Variants in MECOM observed in about 807,000 individuals in gnomAD.
MECOM encodes the protein histone-lysine N-methyltransferase MECOM.
In MECOM, 13 loss-of-function variants were observed where a neutral mutation model predicts 116.3. That is an observed-to-expected ratio of 0.11 (90% CI 0.07 to 0.18). The LOEUF is 0.18. Ranked by LOEUF, MECOM falls within the 10% of genes least tolerant of loss-of-function variation. MECOM has a pLI of 1.00. For missense variants in MECOM, 1,299 were observed against 1,509.0 expected (o/e 0.86, Z 2.31); for synonymous variants, 528 against 535.2 (o/e 0.99, Z 0.19).
At chr3:169,555,313 C>T (rs1358191779) in intron 1 of MECOM, among the ~76,000 whole-genome samples, 1 of 152,072 alleles carries the variant, frequency 6.6e-6, no homozygotes, top group African/African-American at 2.4e-5. Flanking sequence ...TCTTTTCCCT[C>T]GGGGATTTCA....
intron 1 of MECOM, among the ~76,000 whole-genome samples, chr3:169,661,165 C>T (rs774001758): frequency 3.3e-5 from 5 of 152,138 alleles, no homozygotes; most frequent in Non-Finnish European, 5.9e-5. Flanking sequence ...CAAGAAAATT[C>T]GAAGGGTTTT....
rs1213191479 is a variant in MECOM at position 169,382,875 on chromosome 3, A to T, written c.38-1351T>A. On this transcript the variant is annotated intron_variant, in intron 1 of 16. Coordinates refer to ENST00000651503, the MANE Select transcript of MECOM (RefSeq NM_004991.4). ...AAAAAAAAAAAAAAATAAAAAAAAT[A>T]AAAAAAGAAGGTAAAATGGGTTGCC... Among the ~76,000 whole-genome samples, 11 of 85,318 alleles carry T rather than the reference A, an allele frequency of 1.3e-4. 1 individual carries two copies. The highest frequency in any genetic ancestry group is 6.0e-4 in the Admixed American group (4 of 6,670). The allele number at this position is 85,318 out of a possible 152,430, so 56.0% of individuals were successfully genotyped here. A position where few individuals can be genotyped will look rare whatever the true frequency, so the allele number is the denominator to read the frequency against.
At chr3:169,231,220 G>A (rs1753353374) in intron 2 of MECOM, among the ~76,000 whole-genome samples, 1 of 152,082 alleles carries the variant, frequency 6.6e-6, no homozygotes, top group Non-Finnish European at 1.5e-5. Flanking sequence ...CATGCATAAA[G>A]TAAACATGTT....
At chr3:169,454,326 T>C (rs1163878812) in intron 1 of MECOM, among the ~76,000 whole-genome samples, 6 of 151,730 alleles carry the variant, frequency 4.0e-5, no homozygotes, top group Non-Finnish European at 8.8e-5. Context: ...GAGGATTTTT[T>C]TCTTTTCCTC....
chr3:169,213,008 A>C (rs1455137024), intron 2 of MECOM, among the ~76,000 whole-genome samples: 2 of 151,618 alleles, frequency 1.3e-5, no homozygotes, highest in African/African-American at 4.8e-5. Context: ...TTACTGTTTC[A>C]TGTCTGTCAA....
chr3:169,346,701 T>C (rs1725415012), intron 2 of MECOM, among the ~76,000 whole-genome samples: 1 of 151,848 alleles, frequency 6.6e-6, no homozygotes, highest in South Asian at 2.1e-4. Flanking sequence ...TCACTCTTAC[T>C]ATAAAAAAAA....
At chr3:169,491,831 T>C (rs1216297501) in intron 1 of MECOM, among the ~76,000 whole-genome samples, 1 of 152,220 alleles carries the variant, frequency 6.6e-6, no homozygotes, top group East Asian at 1.9e-4. Context: ...CAAGACTAAA[T>C]GTACAAAATG....
intron 1 of MECOM, among the ~76,000 whole-genome samples, chr3:169,562,333 T>C (rs150462617): frequency 5.6e-4 from 86 of 152,248 alleles, no homozygotes; most frequent in African/African-American, 2.0e-3. Flanking sequence ...GATAGATTCA[T>C]AGAGGATGAT....
intron 2 of MECOM, among the ~76,000 whole-genome samples, chr3:169,359,957 A>C (rs376191667): frequency 4.0e-5 from 6 of 151,728 alleles, no homozygotes; most frequent in Admixed American, 2.0e-4. Flanking sequence ...AGACATTAAC[A>C]TTCAGTCTTA....
intron 2 of MECOM, among the ~76,000 whole-genome samples, chr3:169,271,449 A>G (rs925841124): frequency 4.6e-5 from 7 of 152,262 alleles, no homozygotes; most frequent in Admixed American, 2.6e-4. Context: ...GGCATCCTTA[A>G]CACTCTGATA....
At chr3:169,531,075 A>C (rs2109144981) in intron 1 of MECOM, among the ~76,000 whole-genome samples, 1 of 152,188 alleles carries the variant, frequency 6.6e-6, no homozygotes, top group South Asian at 2.1e-4. Context: ...CCCATCCCTG[A>C]TCATTAGCCT....
chr3:169,097,185 G>A (rs954240861), intron 12 of MECOM, among the ~76,000 whole-genome samples: 1 of 151,984 alleles, frequency 6.6e-6, no homozygotes, highest in Non-Finnish European at 1.5e-5. Flanking sequence ...TCATGAGGAA[G>A]AGAGATTATG....
chr3:169,396,831 G>A (rs868226437), intron 1 of MECOM, among the ~76,000 whole-genome samples: 2 of 152,064 alleles, frequency 1.3e-5, no homozygotes. Flanking sequence ...AAACTAGCTG[G>A]GTGTGGTGGT....
intron 1 of MECOM, among the ~76,000 whole-genome samples, chr3:169,467,538 T>C: frequency 7.8e-6 from 1 of 128,606 alleles, no homozygotes; most frequent in African/African-American, 2.7e-5. Context: ...ACATTTCTAC[T>C]TTAAGTGTGT....
intron 2 of MECOM, among the ~76,000 whole-genome samples, chr3:169,206,851 T>A (rs1750001054): frequency 6.6e-6 from 1 of 151,642 alleles, no homozygotes. Context: ...AAAAAACAAA[T>A]TCCAAGATGA....
At chr3:169,299,838 T>C (rs1716367691) in intron 2 of MECOM, among the ~76,000 whole-genome samples, 1 of 152,160 alleles carries the variant, frequency 6.6e-6, no homozygotes. Context: ...AAATCAAATA[T>C]AAAAATAAAC....
intron 1 of MECOM, among the ~76,000 whole-genome samples, chr3:169,479,140 T>C (rs550849990): frequency 1.2e-4 from 19 of 152,136 alleles, no homozygotes; most frequent in African/African-American, 4.3e-4. Context: ...GTCATAAATG[T>C]GATAAGTAGC....
intron 1 of MECOM, among the ~76,000 whole-genome samples, chr3:169,436,308 T>C (rs1004017063): frequency 1.5e-5 from 2 of 137,562 alleles, no homozygotes; most frequent in Non-Finnish European, 3.1e-5. Flanking sequence ...TGGAATACAA[T>C]GGCGCAATCT....
chr3:169,587,659 T>A (rs1029340733), intron 1 of MECOM, among the ~76,000 whole-genome samples: 4 of 152,152 alleles, frequency 2.6e-5, no homozygotes, highest in African/African-American at 9.7e-5. Context: ...CTAGAACCTA[T>A]AAAATATTTA....
Sources: gnomAD v4.1 joint callset for allele counts (sites outside exome capture counted in the v4.1 genomes callset) on GRCh38, gnomAD v4.1.1 for gene constraint, MANE v1.5 for transcripts, NCBI Gene and HGNC (gene_info 2026-07-23, HGNC 2026-07-21) for gene names.